Variants in C8orf34 observed in about 807,000 individuals in gnomAD.
C8orf34 encodes uncharacterized protein C8orf34.
A neutral mutation model predicts 68.3 loss-of-function variants in C8orf34; 65 were observed. The observed-to-expected ratio is 0.95, with a 90% CI of 0.78 to 1.17. The LOEUF (loss-of-function observed/expected upper bound fraction) is 1.17, where lower values mean the gene tolerates loss of function less well. Ranked by LOEUF, C8orf34 falls within the 50% of genes most tolerant of loss-of-function variation. The pLI, the probability that C8orf34 is intolerant of heterozygous loss-of-function variation, is 0.00. For missense variants in C8orf34, 664 were observed against 655.4 expected, an observed-to-expected ratio of 1.01 and a Z score of -0.14; for synonymous variants, 244 against 241.2, an observed-to-expected ratio of 1.01 and a Z score of -0.11.
At chr8:68,654,572 C>A (rs1819458966) in intron 8 of C8orf34, among the ~76,000 whole-genome samples, 1 of 151,928 alleles carries the variant, frequency 6.6e-6, no homozygotes, top group African/African-American at 2.4e-5. Context: ...AATTTTATTG[C>A]TTTTTTTGAC....
intron 1 of C8orf34, among the ~76,000 whole-genome samples, chr8:68,351,389 A>T (rs896654617): frequency 2.0e-5 from 3 of 151,952 alleles, no homozygotes; most frequent in African/African-American, 7.2e-5. Flanking sequence ...TGCCTTTAAC[A>T]TTATTTCTTT....
At chr8:68,330,800 C>A, upstream of C8orf34, 2 of 475,856 alleles carry the variant, frequency 4.2e-6, no homozygotes, top group Non-Finnish European at 7.2e-6. Context: ...CACGGACACA[C>A]ACACACACGC....
chr8:68,547,609 AC>A (rs1340421515), intron 7 of C8orf34, among the ~76,000 whole-genome samples: 2 of 151,850 alleles, frequency 1.3e-5, no homozygotes, highest in African/African-American at 4.8e-5. Flanking sequence ...CCCCTTATAC[AC>A]ATAAGTATAT....
At chr8:68,672,181 G>A (rs150998672) in intron 8 of C8orf34, among the ~76,000 whole-genome samples, 37 of 150,016 alleles carry the variant, frequency 2.5e-4, no homozygotes, top group African/African-American at 9.1e-4. Flanking sequence ...CAAGGGGGAA[G>A]GATTTAGGGT....
chr8:68,499,289 AT>A (rs1813665370), intron 5 of C8orf34, among the ~76,000 whole-genome samples: 1 of 152,180 alleles, frequency 6.6e-6, no homozygotes, highest in Non-Finnish European at 1.5e-5. Flanking sequence ...TAGTTGGAAT[AT>A]TTTTTAGTGC....
At chr8:68,454,064 T>A (rs1048023294) in intron 3 of C8orf34, among the ~76,000 whole-genome samples, 2 of 152,044 alleles carry the variant, frequency 1.3e-5, no homozygotes, top group African/African-American at 4.8e-5. Context: ...TCCGTTAATA[T>A]GATGTGTTAC....
chr8:68,679,033 G>A (rs190871244), intron 8 of C8orf34, among the ~76,000 whole-genome samples: 43 of 152,196 alleles, frequency 2.8e-4, no homozygotes, highest in African/African-American at 8.9e-4. Flanking sequence ...AGGCACGGTG[G>A]CTCCTGCCTG....
chr8:68,778,506 A>G (rs889326045), intron 11 of C8orf34, among the ~76,000 whole-genome samples: 7 of 152,212 alleles, frequency 4.6e-5, no homozygotes, highest in African/African-American at 1.7e-4. Flanking sequence ...CTGAATCAAA[A>G]CTACAGAGAT....
At chr8:68,360,425 A>T (rs916127521) in intron 1 of C8orf34, among the ~76,000 whole-genome samples, 2 of 152,216 alleles carry the variant, frequency 1.3e-5, no homozygotes, top group African/African-American at 4.8e-5. Flanking sequence ...TATTTGACAC[A>T]TGCCAATACT....
intron 10 of C8orf34, among the ~76,000 whole-genome samples, chr8:68,726,708 G>A (rs934286625): frequency 6.6e-6 from 1 of 152,184 alleles, no homozygotes; most frequent in Non-Finnish European, 1.5e-5. Context: ...GGTGGGAGGT[G>A]AAAGACACTT....
intron 11 of C8orf34, among the ~76,000 whole-genome samples, chr8:68,780,698 T>C (rs1823649786): frequency 6.6e-6 from 1 of 152,162 alleles, no homozygotes; most frequent in African/African-American, 2.4e-5. Flanking sequence ...GGTGGGCAGA[T>C]TGCAGTCCAG....
At chr8:68,478,845 G>C (rs4009124) in intron 4 of C8orf34, among the ~76,000 whole-genome samples, 1 of 151,556 alleles carries the variant, frequency 6.6e-6, no homozygotes, top group Non-Finnish European at 1.5e-5. Context: ...CTTTGCCAAC[G>C]TATAAGGATT....
rs557563676 is a variant in C8orf34 at position 68,334,887 on chromosome 8, G to T, written c.327+3548G>T. ...TGCATCACTTATATATTTTGCTGTTGCCCAGCTTGCTCTTCTCTGGTACCC... is the reference window on the plus strand; with the variant it reads ...TGCATCACTTATATATTTTGCTGTTTCCCAGCTTGCTCTTCTCTGGTACCC... On this transcript the variant is annotated intron_variant, in intron 1 of 13. Transcript: ENST00000518698. 1.2e-3 allele frequency among the ~76,000 whole-genome samples: 187 copies of T among 152,256 alleles called. 6 individuals are homozygous for T. The highest frequency in any genetic ancestry group is 3.3e-3 in the South Asian group (16 of 4,828).
At chr8:68,802,941 C>A (rs573384242) in intron 12 of C8orf34, among the ~76,000 whole-genome samples, 105 of 152,114 alleles carry the variant, frequency 6.9e-4, no homozygotes, top group African/African-American at 2.5e-3. Context: ...CTAGAAAATA[C>A]AATTTACCAA....
intron 7 of C8orf34, among the ~76,000 whole-genome samples, chr8:68,546,305 G>C (rs1815876420): frequency 6.6e-6 from 1 of 151,870 alleles, no homozygotes; most frequent in Non-Finnish European, 1.5e-5. Flanking sequence ...AGCAAAACTT[G>C]TAAGCTCACT....
intron 10 of C8orf34, among the ~76,000 whole-genome samples, chr8:68,742,428 T>C (rs1016586898): frequency 1.1e-4 from 17 of 152,228 alleles, no homozygotes; most frequent in Admixed American, 4.6e-4. Flanking sequence ...TAAAGTCCTT[T>C]AACATCCATA....
intron 8 of C8orf34, among the ~76,000 whole-genome samples, chr8:68,647,828 T>C (rs570865093): frequency 3.7e-4 from 57 of 152,330 alleles, no homozygotes; most frequent in African/African-American, 1.3e-3. Context: ...GAAATTATCC[T>C]GTTACTTTCA....
chr8:68,602,625 G>C (rs1015006746), intron 7 of C8orf34, among the ~76,000 whole-genome samples: 2 of 152,112 alleles, frequency 1.3e-5, no homozygotes, highest in Non-Finnish European at 1.5e-5. Context: ...TGAGATTTGG[G>C]TGGGGAAACA....
chr8:68,347,734 A>G (rs774705933), intron 1 of C8orf34, among the ~76,000 whole-genome samples: 1 of 151,602 alleles, frequency 6.6e-6, no homozygotes, highest in Non-Finnish European at 1.5e-5. Context: ...TTTTTTTTTC[A>G]TACATGTGTT....
Sources: gnomAD v4.1 joint callset for allele counts (sites outside exome capture counted in the v4.1 genomes callset) on GRCh38, gnomAD v4.1.1 for gene constraint, MANE v1.5 for transcripts, NCBI Gene and HGNC (gene_info 2026-07-23, HGNC 2026-07-21) for gene names.